TPH2: variants seen among roughly 807,000 people sequenced by gnomAD.
TPH2 encodes tryptophan hydroxylase 2, also known as tryptophan 5-hydroxylase 2.
Under a neutral mutation model 59.1 loss-of-function variants are expected in TPH2, and 27 were observed. That is an observed-to-expected ratio of 0.46 (90% CI 0.34 to 0.63). TPH2 has a LOEUF of 0.63. Ranked by LOEUF, TPH2 falls within the 30% of genes least tolerant of loss-of-function variation. The probability of loss-of-function intolerance (pLI) is 0.01; values close to 1 mark genes in which losing one functional copy is unlikely to be tolerated. For synonymous variants in TPH2, 220 were observed against 210.5 expected (o/e 1.05, Z -0.39); for missense variants, 523 against 588.3 (o/e 0.89, Z 1.15).
At chr12:71,970,061 T>G (rs1460124426) in intron 5 of TPH2, among the ~76,000 whole-genome samples, 2 of 152,236 alleles carry the variant, frequency 1.3e-5, no homozygotes, top group Non-Finnish European at 2.9e-5. Flanking sequence ...GGAAAATTTC[T>G]GATTTTTTCT....
chr12:71,983,799 G>A (rs1237028994), intron 7 of TPH2, among the ~76,000 whole-genome samples: 2 of 140,708 alleles, frequency 1.4e-5, no homozygotes, highest in African/African-American at 5.1e-5. Context: ...CAGAGAGAGA[G>A]AGAGAAAGAG....
chr12:71,956,078 T>A (rs1871486926), intron 5 of TPH2, among the ~76,000 whole-genome samples: 1 of 152,148 alleles, frequency 6.6e-6, no homozygotes, highest in African/African-American at 2.4e-5. Context: ...TCCAATATGG[T>A]TACTCATAGG....
At chr12:71,979,327 C>T (rs1229764290) in intron 7 of TPH2, among the ~76,000 whole-genome samples, 2 of 152,142 alleles carry the variant, frequency 1.3e-5, no homozygotes, top group Non-Finnish European at 2.9e-5. Context: ...AACACTGAGC[C>T]ATCTGCTTGG....
chr12:71,942,371 T>C (rs1405173681), intron 2 of TPH2, among the ~76,000 whole-genome samples: 1 of 152,186 alleles, frequency 6.6e-6, no homozygotes, highest in South Asian at 2.1e-4. Flanking sequence ...AGCTGTTGTG[T>C]TCTTGCCAGC....
chr12:72,028,265 A>C (rs1873622707), intron 9 of TPH2, among the ~76,000 whole-genome samples: 1 of 152,222 alleles, frequency 6.6e-6, no homozygotes, highest in African/African-American at 2.4e-5. Flanking sequence ...AGACAGAATC[A>C]CTGCAGAGTT....
chr12:71,984,373 T>C (rs1872371757), intron 7 of TPH2, among the ~76,000 whole-genome samples: 1 of 152,200 alleles, frequency 6.6e-6, no homozygotes, highest in South Asian at 2.1e-4. Flanking sequence ...TAGGAAAGCT[T>C]GGTTGCTCCT....
intron 8 of TPH2, among the ~76,000 whole-genome samples, chr12:72,021,076 C>T (rs1248427203): frequency 6.6e-6 from 1 of 152,144 alleles, no homozygotes; most frequent in Non-Finnish European, 1.5e-5. Flanking sequence ...TTCTTAACAC[C>T]TTCAGTGCTC....
At chr12:71,962,476 T>C (rs1016752996) in intron 5 of TPH2, 38 of 985,276 alleles carry the variant, frequency 3.9e-5, no homozygotes, top group Middle Eastern at 5.2e-4. Context: ...GAAAACTGAA[T>C]TGAGAAAATT....
chr12:71,938,867 T>G lies in TPH2; in HGVS notation c.-120T>G, dbSNP rs1424921675. 2.3e-5 allele frequency: 19 copies of G among 831,516 alleles called. No homozygotes were observed. The highest frequency in any genetic ancestry group is 3.9e-5 in the Non-Finnish European group (19 of 484,100). The allele number at this position is 831,516 out of a possible 1,614,324, so 51.5% of individuals were successfully genotyped here. ...TTCGCATTGCTCTTCAGCACCAGGG[T>G]TCTGGACAGCGCCCCAAGCAGGCAG... is the stretch of plus-strand genomic sequence containing the variant. On this transcript the variant is annotated 5_prime_UTR_variant, in exon 1 of 11. Transcript: ENST00000333850.
chr12:71,974,724 T>G (rs1872069581), intron 6 of TPH2, among the ~76,000 whole-genome samples: 1 of 152,216 alleles, frequency 6.6e-6, no homozygotes, highest in Admixed American at 6.5e-5. Flanking sequence ...TATTGCCACT[T>G]ATGGCTTCAT....
intron 5 of TPH2, among the ~76,000 whole-genome samples, chr12:71,956,430 C>T (rs1417864962): frequency 6.9e-6 from 1 of 145,624 alleles, no homozygotes; most frequent in Non-Finnish European, 1.5e-5. Flanking sequence ...CTCCCTCCCT[C>T]CCTCCCTTCC....
At chr12:71,995,895 A>C (rs1872681684) in intron 8 of TPH2, among the ~76,000 whole-genome samples, 1 of 152,240 alleles carries the variant, frequency 6.6e-6, no homozygotes, top group Admixed American at 6.5e-5. Context: ...TGTAGACTGA[A>C]TCTAGATCTT....
intron 5 of TPH2, among the ~76,000 whole-genome samples, chr12:71,957,949 T>C (rs928054335): frequency 6.6e-6 from 1 of 152,216 alleles, no homozygotes; most frequent in Non-Finnish European, 1.5e-5. Flanking sequence ...CACTTTCAGA[T>C]TGTATTAGGT....
chr12:72,031,299 A>G lies in TPH2; in HGVS notation c.1206A>G (p.Pro402=). Reference sequence around the variant, plus strand: ...AGGCATGTGTGAAAGCCTTTGACCCAAAGACAACTTGCTTACAGGAATGCC... The same window carrying G: ...AGGCATGTGTGAAAGCCTTTGACCCGAAGACAACTTGCTTACAGGAATGCC... ...SDKACVKAFD[P]KTTCLQECLI... The change falls in exon 10 of 11, where the codon CCA becomes CCG. Residue 402 remains proline, a synonymous_variant. Coordinates refer to ENST00000333850, the MANE Select transcript of TPH2 (RefSeq NM_173353.4). 1 of 1,613,702 alleles carries G rather than the reference A, an allele frequency of 6.2e-7. No individual in the cohort carries two copies. The highest frequency in any genetic ancestry group is 1.6e-4 in the Middle Eastern group (1 of 6,062).
At chr12:71,946,268 T>C (rs941503615) in intron 4 of TPH2, among the ~76,000 whole-genome samples, 3 of 152,334 alleles carry the variant, frequency 2.0e-5, no homozygotes, top group Admixed American at 6.5e-5. Context: ...TATTAAATCA[T>C]CCGGATCAAT....
chr12:72,020,456 G>T (rs185155405), intron 8 of TPH2, among the ~76,000 whole-genome samples: 15 of 152,240 alleles, frequency 9.9e-5, no homozygotes, highest in Non-Finnish European at 2.9e-5. Context: ...AAGTGCTGTA[G>T]GTTGTGATGG....
chr12:71,974,441 C>T (rs562902307), intron 6 of TPH2, among the ~76,000 whole-genome samples: 25 of 152,214 alleles, frequency 1.6e-4, no homozygotes, highest in African/African-American at 5.1e-4. Flanking sequence ...TTCCTTGGCT[C>T]GTGGACTCTT....
chr12:71,998,704 G>A (rs1001778128), intron 8 of TPH2, among the ~76,000 whole-genome samples: 3 of 152,148 alleles, frequency 2.0e-5, no homozygotes, highest in African/African-American at 7.2e-5. Flanking sequence ...GGGGGATAAT[G>A]GTAGCTAGCA....
chr12:71,981,300 A>G (rs1003646148), intron 7 of TPH2, among the ~76,000 whole-genome samples: 2 of 152,228 alleles, frequency 1.3e-5, no homozygotes, highest in East Asian at 1.9e-4. Flanking sequence ...AGGCCATGTT[A>G]TAAATGACCA....
Sources: gnomAD v4.1 joint callset for allele counts (sites outside exome capture counted in the v4.1 genomes callset) on GRCh38, gnomAD v4.1.1 for gene constraint, MANE v1.5 for transcripts, NCBI Gene and HGNC (gene_info 2026-07-23, HGNC 2026-07-21) for gene names.